SLC36A1: variants seen among roughly 807,000 people sequenced by gnomAD.
SLC36A1 encodes the protein proton-coupled amino acid transporter 1.
A neutral mutation model predicts 47.5 loss-of-function variants in SLC36A1; 30 were observed. The ratio of observed to expected loss-of-function variants is 0.63; its 90% CI spans 0.47 to 0.86. The LOEUF is 0.86. Among genes scored for constraint, SLC36A1 ranks in the 40% least tolerant of loss-of-function variants. The pLI is 0.00. For missense variants in SLC36A1, 517 were observed against 606.0 expected (o/e 0.85, Z 1.54); for synonymous variants, 255 against 249.7 (o/e 1.02, Z -0.20).
In SLC36A1 at chr5:151,479,674, T is replaced by G. The variant is rs967366044; in HGVS notation, c.1159+185T>G. ...GATGGGGAAGTGAATTAATTACATA[T>G]GTACTGTAAAGAACATGGGAATGAG... is the stretch of plus-strand genomic sequence containing the variant. On this transcript the variant is annotated intron_variant, in intron 10 of 10. Transcript: ENST00000243389. 4 of 610,938 alleles carry G rather than the reference T, an allele frequency of 6.5e-6. No homozygotes were observed. The East Asian group carries it at 1.1e-4, about 17-fold the overall frequency. 37.8% of individuals were successfully genotyped at this position (610,938 alleles called of 1,614,324 possible).
At chr5:151,466,724 G>T (rs1756440160) in intron 5 of SLC36A1, among the ~76,000 whole-genome samples, 1 of 152,214 alleles carries the variant, frequency 6.6e-6, no homozygotes, top group African/African-American at 2.4e-5. Flanking sequence ...AAAAGTGTGA[G>T]ATGGGATAGG....
intron 9 of SLC36A1, chr5:151,477,007 A>G (rs892136421): frequency 1.1e-5 from 7 of 620,562 alleles, no homozygotes; most frequent in African/African-American, 7.2e-5. Flanking sequence ...TGGAATTCCT[A>G]AGCTCAGAAG....
chr5:151,549,559 A>G, the SLC36A1 span: 1 of 1,517,980 alleles, frequency 6.6e-7, no homozygotes, highest in African/African-American at 1.4e-5. Context: ...AGGAGGAGGC[A>G]GGGTTAGGGT....
intron 7 of SLC36A1, among the ~76,000 whole-genome samples, chr5:151,471,143 G>T (rs1365862757): frequency 6.6e-6 from 1 of 152,172 alleles, no homozygotes; most frequent in African/African-American, 2.4e-5. Context: ...TACATTAAAT[G>T]TATGTATAGC....
At chr5:151,356,879 G>A in the SLC36A1 span, among the ~76,000 whole-genome samples, 1 of 152,066 alleles carries the variant, frequency 6.6e-6, no homozygotes, top group East Asian at 1.9e-4. Flanking sequence ...CCTTATTGTG[G>A]ATCAATAAGG....
chr5:151,534,729 C>T, the SLC36A1 span: 1 of 1,149,308 alleles, frequency 8.7e-7, no homozygotes, highest in South Asian at 1.4e-5. Flanking sequence ...GGAGACAAAC[C>T]CAGCCACACA....
the SLC36A1 span, among the ~76,000 whole-genome samples, chr5:151,431,879 T>C: frequency 6.6e-6 from 1 of 152,208 alleles, no homozygotes; most frequent in Non-Finnish European, 1.5e-5. Context: ...AGCTTTGGCA[T>C]GCAGGAGCTG....
the SLC36A1 span, among the ~76,000 whole-genome samples, chr5:151,374,085 C>T: frequency 6.6e-6 from 1 of 152,158 alleles, no homozygotes; most frequent in Non-Finnish European, 1.5e-5. Context: ...GCACCAGCAG[C>T]GTGCGTCAGC....
chr5:151,479,568 A>G (rs1758542177), intron 10 of SLC36A1, 79 bp downstream of exon 10: 18 of 1,529,426 alleles, frequency 1.2e-5, no homozygotes, highest in Non-Finnish European at 1.5e-5. Flanking sequence ...AGAAAAGACA[A>G]TGTGTGTTGT....
intron 1 of SLC36A1, chr5:151,452,385 C>G (rs1002710425): frequency 1.3e-5 from 2 of 152,210 alleles, no homozygotes; most frequent in African/African-American, 4.8e-5. Context: ...GGGGAATTTG[C>G]CGCTGCTCTG....
At chr5:151,426,517 T>G in the SLC36A1 span, among the ~76,000 whole-genome samples, 1 of 152,044 alleles carries the variant, frequency 6.6e-6, no homozygotes, top group Admixed American at 6.6e-5. Flanking sequence ...AACATCTCAG[T>G]GCAGTAAAGA....
the SLC36A1 span, among the ~76,000 whole-genome samples, chr5:151,424,443 TCCAA>T: frequency 6.6e-6 from 1 of 152,114 alleles, no homozygotes; most frequent in Non-Finnish European, 1.5e-5. Context: ...AAGATGGACT[TCCAA>T]GTCAAAAGGG....
chr5:151,544,967 C>G, the SLC36A1 span: 2 of 1,614,112 alleles, frequency 1.2e-6, no homozygotes, highest in Non-Finnish European at 1.7e-6. Context: ...CTGACCAAAC[C>G]CTGAGCCACC....
chr5:151,497,236 G>A (rs141897587), downstream of SLC36A1, among the ~76,000 whole-genome samples: 867 of 152,254 alleles, frequency 5.7e-3, 5 homozygotes, highest in South Asian at 0.015. Context: ...TAAGTATGAT[G>A]TAAGTAGTAT....
the SLC36A1 span, among the ~76,000 whole-genome samples, chr5:151,418,991 T>G: frequency 4.6e-5 from 7 of 152,178 alleles, no homozygotes; most frequent in Admixed American, 2.6e-4. Context: ...GAGTGGGTTC[T>G]CATGAGATCT....
chr5:151,402,632 C>A, the SLC36A1 span, among the ~76,000 whole-genome samples: 2 of 151,900 alleles, frequency 1.3e-5, no homozygotes, highest in Non-Finnish European at 2.9e-5. Flanking sequence ...TCAAATAAAA[C>A]CAACCATTTC....
At chr5:151,404,057 A>C in the SLC36A1 span, among the ~76,000 whole-genome samples, 1 of 152,172 alleles carries the variant, frequency 6.6e-6, no homozygotes, top group East Asian at 1.9e-4. Context: ...AAGTGTTTTC[A>C]TAGGTCTGGA....
the SLC36A1 span, among the ~76,000 whole-genome samples, chr5:151,389,875 G>T: frequency 1.3e-5 from 2 of 151,294 alleles, no homozygotes; most frequent in Non-Finnish European, 2.9e-5. Flanking sequence ...ACATACATGT[G>T]CATGTGTCTT....
the SLC36A1 span, among the ~76,000 whole-genome samples, chr5:151,348,237 G>C: frequency 6.6e-6 from 1 of 152,176 alleles, no homozygotes; most frequent in Non-Finnish European, 1.5e-5. Flanking sequence ...ACAGTTTGCT[G>C]GGCAAGATAC....
Sources: gnomAD v4.1 joint callset for allele counts (sites outside exome capture counted in the v4.1 genomes callset) on GRCh38, gnomAD v4.1.1 for gene constraint, MANE v1.5 for transcripts, NCBI Gene and HGNC (gene_info 2026-07-23, HGNC 2026-07-21) for gene names.